Variants in CHRND observed in about 807,000 individuals in gnomAD.
CHRND encodes the protein acetylcholine receptor subunit delta.
A neutral mutation model predicts 57.8 loss-of-function variants in CHRND; 40 were observed. The observed-to-expected ratio is 0.69, with a 90% CI of 0.54 to 0.90. The LOEUF is 0.90. Among genes scored for constraint, CHRND ranks in the 40% least tolerant of loss-of-function variants. The probability of loss-of-function intolerance (pLI) is 0.00; values close to 1 mark genes in which losing one functional copy is unlikely to be tolerated. For synonymous variants in CHRND, 237 were observed against 270.6 expected (o/e 0.88, Z 1.22); for missense variants, 634 against 673.9 (o/e 0.94, Z 0.66).
Position 232,526,227 on chromosome 2 carries a change from A to G in CHRND, c.12A>G (p.Pro4=), listed in dbSNP as rs2245601. 0.49 allele frequency: 777,400 copies of G among 1,587,830 alleles called. 189,261 individuals carry two copies. The highest frequency in any genetic ancestry group is 0.66 in the East Asian group (28,777 of 43,616). MEG[P]VLTLGLLAAL... is the part of the protein sequence containing the mutation. Reference sequence around the variant, plus strand: ...GTCAGAGGGATGGGATGGAGGGGCCAGTGCTGACACTGGGGCTGCTGGCTG... The same window carrying G: ...GTCAGAGGGATGGGATGGAGGGGCCGGTGCTGACACTGGGGCTGCTGGCTG... Residue 4 remains proline, a synonymous_variant, in exon 1 of 12, where the codon CCA becomes CCG. Transcript: ENST00000258385.
chr2:232,534,470 C>T, intron 11 of CHRND, 128 bp downstream of exon 11: 1 of 974,402 alleles, frequency 1.0e-6, no homozygotes, highest in Admixed American at 2.0e-5. Context: ...TAATGTGACA[C>T]AGATTCCAGG....
chr2:232,534,451 T>C, intron 11 of CHRND, 109 bp downstream of exon 11: 1 of 1,109,930 alleles, frequency 9.0e-7, no homozygotes, highest in Admixed American at 1.9e-5. Context: ...CCAACTTAGA[T>C]GAGGGAGTTA....
At position 232,528,269 on chromosome 2, in the gene CHRND, C is replaced by A; in HGVS notation, c.251C>A (p.Thr84Lys). The A allele has an allele frequency of 1.2e-6, 2 of 1,614,158 alleles. No homozygotes were observed. Among genetic ancestry groups the A allele is most frequent in the Non-Finnish European group, 1.7e-6 (2 of 1,180,022 alleles). ...TTNVWIEHGW[T>K]DNRLKWNAEE... ...ATGCCTTTGGGATTCCAGGGCTGGA[C>A]AGACAACCGGCTGAAGTGGAATGCT... The change falls in exon 4 of 12, where the codon ACA (threonine) becomes AAA (lysine). Residue 84 changes from threonine (T) to lysine (K), a missense_variant. Transcript: ENST00000258385.
At position 232,535,916 on chromosome 2, in the gene CHRND, A is replaced by G. The variant is rs1453346867; in HGVS notation, c.*604A>G. 2.0e-5 allele frequency: 9 copies of G among 454,020 alleles called. No individual in the cohort carries two copies. The highest frequency in any genetic ancestry group is 4.0e-5 in the Non-Finnish European group (9 of 226,802). The allele number at this position is 454,020 out of a possible 1,614,324, so 28.1% of individuals were successfully genotyped here. A position where few individuals can be genotyped will look rare whatever the true frequency, so the allele number is the denominator to read the frequency against. Reference sequence around the variant, plus strand: ...TCGACATCCACAAAGACTTGGGGTCAGCCTGAGGTTGCACACACAATCCTA... The same window carrying G: ...TCGACATCCACAAAGACTTGGGGTCGGCCTGAGGTTGCACACACAATCCTA... On this transcript the variant is annotated 3_prime_UTR_variant, in exon 12 of 12. Transcript: ENST00000258385.
chr2:232,535,052 T>A (rs1008195698), intron 11 of CHRND, 78 bp from the exon 12 acceptor site: 20 of 1,567,748 alleles, frequency 1.3e-5, no homozygotes, highest in Non-Finnish European at 1.7e-5. Context: ...TCTGCCTCCA[T>A]GGCTGGGCCC....
intron 6 of CHRND, among the ~76,000 whole-genome samples, chr2:232,529,517 C>G (rs1429012102): frequency 6.6e-6 from 1 of 152,182 alleles, no homozygotes; most frequent in African/African-American, 2.4e-5. Context: ...GCTCATTATC[C>G]CCAAGGCCCA....
chr2:232,526,257 G>C lies in CHRND; in HGVS notation c.42G>C (p.Leu14=), dbSNP rs746207666. 6 of 1,612,848 alleles carry C rather than the reference G, an allele frequency of 3.7e-6. No homozygotes were observed. The African/African-American group carries it at 5.3e-5, about 14-fold the overall frequency. Residue 14 remains leucine, a synonymous_variant, in exon 1 of 12, where the codon CTG becomes CTC. Transcript: ENST00000258385. ...PVLTLGLLAA[L]AVCGSWGLNE... is the part of the protein sequence containing the mutation. Reference sequence around the variant, plus strand: ...TGACACTGGGGCTGCTGGCTGCCCTGGCGGTGTGTGGTAAGGGAAGACACC... The same window carrying C: ...TGACACTGGGGCTGCTGGCTGCCCTCGCGGTGTGTGGTAAGGGAAGACACC...
At chr2:232,531,706 C>T in intron 9 of CHRND, 50 bp downstream of exon 9, 1 of 1,498,938 alleles carries the variant, frequency 6.7e-7, no homozygotes, top group Non-Finnish European at 9.2e-7. Flanking sequence ...CCTGGCATTT[C>T]AGGAGGCTGA....
At chr2:232,527,920 C>T (rs1691542246) in intron 3 of CHRND, among the ~76,000 whole-genome samples, 2 of 152,218 alleles carry the variant, frequency 1.3e-5, no homozygotes, top group Admixed American at 1.3e-4. Flanking sequence ...GTGCCCTCAC[C>T]AGCCCTGATG....
chr2:232,529,100 C>A, intron 6 of CHRND, 129 bp downstream of exon 6: 1 of 716,234 alleles, frequency 1.4e-6, no homozygotes, highest in East Asian at 2.7e-5. Context: ...CAGCTCCTCA[C>A]ACACGCAGCT....
At chr2:232,533,004 T>C (rs923878408) in intron 9 of CHRND, among the ~76,000 whole-genome samples, 1 of 152,170 alleles carries the variant, frequency 6.6e-6, no homozygotes, top group Admixed American at 6.5e-5. Flanking sequence ...CTGGGACAGC[T>C]GAAGGCAGTT....
chr2:232,531,021 G>C (rs1283056666), intron 7 of CHRND, among the ~76,000 whole-genome samples: 1 of 152,148 alleles, frequency 6.6e-6, no homozygotes, highest in Non-Finnish European at 1.5e-5. Context: ...GGCGTGGGTG[G>C]GTTGTGACAG....
In CHRND at chr2:232,531,345, T is replaced by A; in HGVS notation, c.821-7T>A. 3 of 1,608,464 alleles carry A rather than the reference T, an allele frequency of 1.9e-6. No individual in the cohort carries two copies. Among genetic ancestry groups the A allele is most frequent in the Non-Finnish European group, 2.6e-6 (3 of 1,175,830 alleles). On this transcript the variant is annotated splice_region_variant and splice_polypyrimidine_tract_variant and intron_variant, in intron 7 of 11. Coordinates refer to ENST00000258385, the MANE Select transcript of CHRND (RefSeq NM_000751.3). ...CCCAAGGTCACAGCTAAGTCTGGCT[T>A]CCCCAGGTGGTGAGAAGACATCAGT...
intron 9 of CHRND, 29 bp from the exon 10 acceptor site, chr2:232,533,901 CT>C (rs777862153): frequency 1.3e-5 from 21 of 1,607,562 alleles, no homozygotes; most frequent in Non-Finnish European, 1.7e-5. Context: ...AAAACAACGC[CT>C]TTCTTGTGGC....
intron 7 of CHRND, 152 bp downstream of exon 7, chr2:232,530,291 G>A (rs1432426898): frequency 2.5e-5 from 20 of 794,444 alleles, no homozygotes; most frequent in Non-Finnish European, 4.0e-5. Context: ...GGGCCAGGTG[G>A]CCACCCAGAG....
chr2:232,529,375 C>T (rs1200450497), intron 6 of CHRND, among the ~76,000 whole-genome samples: 5 of 152,224 alleles, frequency 3.3e-5, no homozygotes, highest in African/African-American at 1.2e-4. Context: ...CCCCTCCTGA[C>T]ATCCTCATCC....
Position 232,536,527 on chromosome 2 carries a change from G to A in CHRND, c.*1215G>A, listed in dbSNP as rs754249979. 1.8e-5 allele frequency: 8 copies of A among 450,910 alleles called. No individual in the cohort carries two copies. In the East Asian group the frequency reaches 2.1e-4, roughly 12 times the overall value. The allele number at this position is 450,910 out of a possible 1,614,324, so 27.9% of individuals were successfully genotyped here. On this transcript the variant is annotated 3_prime_UTR_variant, in exon 12 of 12. Coordinates refer to ENST00000258385, the MANE Select transcript of CHRND (RefSeq NM_000751.3). The stretch of plus-strand genomic sequence containing the variant: ...GATCCTCTGCCCCAGTAGGGCCTTC[G>A]GATGAGATCACAGCCCAGTAGACAT...
rs749201332 is a variant in CHRND, at chr2:232,536,456, G to C, written c.*1144G>C. 2.2e-6 allele frequency: 1 copy of C among 454,064 alleles called. No homozygotes were observed. 28.1% of individuals were successfully genotyped at this position (454,064 alleles called of 1,614,324 possible). A position where few individuals can be genotyped will look rare whatever the true frequency, so the allele number is the denominator to read the frequency against. On this transcript the variant is annotated 3_prime_UTR_variant, in exon 12 of 12. Coordinates refer to ENST00000258385, the MANE Select transcript of CHRND (RefSeq NM_000751.3). Reference sequence around the variant, plus strand: ...CCTATGGAGAGGCCCACATGGCAAGGAACTAAGGCCTCCTGCCAACAGCCA... The same window carrying C: ...CCTATGGAGAGGCCCACATGGCAAGCAACTAAGGCCTCCTGCCAACAGCCA...
chr2:232,530,232 C>A, intron 7 of CHRND, 93 bp downstream of exon 7: 3 of 1,342,294 alleles, frequency 2.2e-6, no homozygotes, highest in Non-Finnish European at 3.2e-6. Flanking sequence ...CTCCTGGGAG[C>A]CACCTGGGGT....
Sources: gnomAD v4.1 joint callset for allele counts (sites outside exome capture counted in the v4.1 genomes callset) on GRCh38, gnomAD v4.1.1 for gene constraint, MANE v1.5 for transcripts, NCBI Gene and HGNC (gene_info 2026-07-23, HGNC 2026-07-21) for gene names.